CAMTA1: variants seen among roughly 807,000 people sequenced by gnomAD.
CAMTA1 encodes the protein calmodulin binding transcription activator 1.
In CAMTA1, 27 loss-of-function variants were observed where a neutral mutation model predicts 170.9. The ratio of observed to expected loss-of-function variants is 0.16; its 90% CI spans 0.12 to 0.22. The LOEUF (loss-of-function observed/expected upper bound fraction) is 0.22, where lower values mean the gene tolerates loss of function less well. CAMTA1 is among the 10% of genes least tolerant of loss of function. The pLI is 1.00. For synonymous variants in CAMTA1, 833 were observed against 891.5 expected (o/e 0.93, Z 1.17); for missense variants, 1,619 against 2,217.2 (o/e 0.73, Z 5.42).
chr1:7,015,751 G>A (rs1240836107), intron 3 of CAMTA1, among the ~76,000 whole-genome samples: 1 of 152,214 alleles, frequency 6.6e-6, no homozygotes, highest in African/African-American at 2.4e-5. Context: ...TGTACAGGAA[G>A]CGTGGCTGGG....
intron 3 of CAMTA1, among the ~76,000 whole-genome samples, chr1:6,919,733 G>A (rs531096699): frequency 3.3e-5 from 5 of 152,334 alleles, no homozygotes; most frequent in South Asian, 2.1e-4. Flanking sequence ...CAATCATGGC[G>A]GAAGGCAAGG....
At chr1:7,034,122 T>C (rs1022217411) in intron 3 of CAMTA1, among the ~76,000 whole-genome samples, 1 of 152,136 alleles carries the variant, frequency 6.6e-6, no homozygotes, top group Non-Finnish European at 1.5e-5. Flanking sequence ...ACAGGCACTA[T>C]TTCTGGTCCA....
intron 3 of CAMTA1, among the ~76,000 whole-genome samples, chr1:7,058,907 T>TC (rs397731867): frequency 2.0e-5 from 3 of 150,588 alleles, no homozygotes; most frequent in African/African-American, 4.9e-5. Flanking sequence ...TCTCTCTCTC[T>TC]TTCTTTCCTG....
intron 4 of CAMTA1, among the ~76,000 whole-genome samples, chr1:7,145,404 A>C (rs1380152536): frequency 5.3e-5 from 8 of 152,244 alleles, no homozygotes; most frequent in African/African-American, 1.9e-4. Flanking sequence ...TCTTTGAAGA[A>C]ATTTGTTTAA....
intron 3 of CAMTA1, among the ~76,000 whole-genome samples, chr1:6,892,830 A>ATC: frequency 6.6e-6 from 1 of 151,966 alleles, no homozygotes; most frequent in East Asian, 1.9e-4. Context: ...AGACTATGAG[A>ATC]TCTCAGTGAC....
intron 1 of CAMTA1, among the ~76,000 whole-genome samples, chr1:6,792,057 G>A (rs1295664362): frequency 6.6e-6 from 1 of 151,760 alleles, no homozygotes; most frequent in Admixed American, 6.6e-5. Flanking sequence ...AGGTTCAAGC[G>A]ATTGTCCTGC....
At chr1:7,498,476 T>C (rs943800874) in intron 6 of CAMTA1, among the ~76,000 whole-genome samples, 3 of 150,344 alleles carry the variant, frequency 2.0e-5, no homozygotes, top group African/African-American at 7.4e-5. Flanking sequence ...TGTGTGGATG[T>C]GTGAGCATGT....
In CAMTA1 at chr1:7,736,481, A is replaced by G. The variant is rs1387026171; in HGVS notation, c.3204A>G (p.Leu1068=). Residue 1068 remains leucine (L), a synonymous_variant, in exon 13 of 23, where the codon CTA becomes CTG. Transcript: ENST00000303635. This position sits in a 1 kb window ranked among gnomAD's most constrained non-coding sequence, Gnocchi z 4.5. ...IHSKTFRGMT[L]LHLAAAQGYA... ...CAAAGACTTTCCGCGGAATGACCCT[A>G]CTCCACCTGGCCGCTGCCCAGGGCT... The G allele has an allele frequency of 1.2e-6, 2 of 1,613,662 alleles. No individual in the cohort carries two copies. Among genetic ancestry groups the G allele is most frequent in the Non-Finnish European group, 1.7e-6 (2 of 1,179,920 alleles).
At position 7,299,421 on chromosome 1, in the gene CAMTA1, G is replaced by A. The variant is rs188062944; in HGVS notation, c.438+49795G>A. Among the ~76,000 whole-genome samples, 3 of 152,202 alleles carry A rather than the reference G, an allele frequency of 2.0e-5. No homozygotes were observed. Among genetic ancestry groups the A allele is most frequent in the Non-Finnish European group, 4.4e-5 (3 of 68,042 alleles). On this transcript the variant is annotated intron_variant, in intron 5 of 22. Coordinates refer to ENST00000303635, the MANE Select transcript of CAMTA1 (RefSeq NM_015215.4). The surrounding 1 kb of genome is among the most constrained non-coding windows in gnomAD (Gnocchi z 4.7). Reference sequence around the variant, plus strand: ...TGACTCAATATGAACTAAGCAGGGGGTGGGAGGTACAGACCACCCCAGTAA... The same window carrying A: ...TGACTCAATATGAACTAAGCAGGGGATGGGAGGTACAGACCACCCCAGTAA...
intron 5 of CAMTA1, among the ~76,000 whole-genome samples, chr1:7,460,149 C>A (rs546117924): frequency 6.6e-6 from 1 of 152,274 alleles, no homozygotes; most frequent in African/African-American, 2.4e-5. Context: ...CTTCACCCCG[C>A]ATGCGGGACG....
intron 3 of CAMTA1, among the ~76,000 whole-genome samples, chr1:7,052,047 G>A (rs960611946): frequency 1.3e-5 from 2 of 149,560 alleles, no homozygotes; most frequent in East Asian, 2.0e-4. Flanking sequence ...TTCTCCTCTC[G>A]GCCTGAGTGT....
At chr1:7,330,125 G>C (rs2082931891) in intron 5 of CAMTA1, among the ~76,000 whole-genome samples, 1 of 152,138 alleles carries the variant, frequency 6.6e-6, no homozygotes, top group Non-Finnish European at 1.5e-5. Flanking sequence ...ATTACTACCA[G>C]GAAGGGAGGG....
At chr1:7,145,998 G>A (rs914636303) in intron 4 of CAMTA1, among the ~76,000 whole-genome samples, 5 of 152,166 alleles carry the variant, frequency 3.3e-5, no homozygotes, top group South Asian at 2.1e-4. Context: ...AATCTCAACC[G>A]TCTAGGTGGT....
At chr1:7,509,467 A>G (rs186467253) in intron 6 of CAMTA1, among the ~76,000 whole-genome samples, 1 of 152,284 alleles carries the variant, frequency 6.6e-6, no homozygotes, top group African/African-American at 2.4e-5. Context: ...TTTATAGTCC[A>G]CAGACACTTG....
rs575202405 is a variant in CAMTA1 at position 7,397,263 on chromosome 1, C to A, written c.439-70567C>A. Among the ~76,000 whole-genome samples, 458 of 152,042 alleles carry A rather than the reference C, an allele frequency of 3.0e-3. 2 individuals carry two copies. The highest frequency in any genetic ancestry group is 5.5e-3 in the Non-Finnish European group (371 of 67,948). On this transcript the variant is annotated intron_variant, in intron 5 of 22. Transcript: ENST00000303635. ...ATTTTTCCATTTCCTCTAAGTTTTCCAATTTGTTGCCATATAGTTGTTCAT... is the reference window on the plus strand; with the variant it reads ...ATTTTTCCATTTCCTCTAAGTTTTCAAATTTGTTGCCATATAGTTGTTCAT...
intron 1 of CAMTA1, among the ~76,000 whole-genome samples, chr1:6,791,866 G>A (rs1641193751): frequency 6.6e-6 from 1 of 152,054 alleles, no homozygotes; most frequent in African/African-American, 2.4e-5. Flanking sequence ...CCTTAGTCCT[G>A]TGATTAAGCC....
chr1:7,103,379 C>G (rs1642979794), intron 4 of CAMTA1, among the ~76,000 whole-genome samples: 3 of 146,040 alleles, frequency 2.1e-5, no homozygotes, highest in African/African-American at 7.6e-5. Context: ...ATATACACAA[C>G]TACACACGTA....
chr1:7,147,425 A>G (rs1646269899), intron 4 of CAMTA1, among the ~76,000 whole-genome samples: 2 of 10,430 alleles, frequency 1.9e-4, no homozygotes, highest in African/African-American at 2.5e-3. Flanking sequence ...CTCCGTCTCA[A>G]AAAAAAAAAA....
chr1:7,406,544 A>C (rs924270173), intron 5 of CAMTA1, among the ~76,000 whole-genome samples: 8 of 152,120 alleles, frequency 5.3e-5, no homozygotes, highest in Admixed American at 1.3e-4. Flanking sequence ...AATTGCTCAC[A>C]TGTCCATGCA....
Sources: gnomAD v4.1 joint callset for allele counts (sites outside exome capture counted in the v4.1 genomes callset) on GRCh38, gnomAD v4.1.1 for gene constraint, Gnocchi (gnomAD v3.1) non-coding constraint, MANE v1.5 for transcripts, NCBI Gene and HGNC (gene_info 2026-07-23, HGNC 2026-07-21) for gene names.